The following CFAP54 variants were observed in gnomAD, a reference collection of about 807,000 sequenced individuals.
The protein encoded by CFAP54 is cilia and flagella associated protein 54, also known as cilia- and flagella-associated protein 54.
A neutral mutation model predicts 370.4 loss-of-function variants in CFAP54; 290 were observed. That is an observed-to-expected ratio of 0.78 (90% CI 0.71 to 0.86). The LOEUF is 0.86. Among genes scored for constraint, CFAP54 ranks in the 40% least tolerant of loss-of-function variants. CFAP54 has a pLI of 0.00. For missense variants in CFAP54, 3,399 were observed against 3,528.7 expected, an observed-to-expected ratio of 0.96 and a Z score of 0.93; for synonymous variants, 1,206 against 1,236.5, an observed-to-expected ratio of 0.98 and a Z score of 0.52.
chr12:96,548,536 G>C (rs1314562062), intron 15 of CFAP54, among the ~76,000 whole-genome samples: 1 of 152,156 alleles, frequency 6.6e-6, no homozygotes, highest in African/African-American at 2.4e-5. Context: ...ATGCCATCAT[G>C]AATGTACAGG....
intron 58 of CFAP54, among the ~76,000 whole-genome samples, chr12:96,757,962 G>A (rs1958283177): frequency 6.6e-6 from 1 of 152,170 alleles, no homozygotes; most frequent in Admixed American, 6.5e-5. Flanking sequence ...TGGTTAAACA[G>A]ATGGACAAGT....
intron 32 of CFAP54, among the ~76,000 whole-genome samples, chr12:96,636,831 G>C (rs1433079333): frequency 6.6e-6 from 1 of 152,138 alleles, no homozygotes; most frequent in Non-Finnish European, 1.5e-5. Flanking sequence ...GCACACGCCT[G>C]TAATCCCAGC....
chr12:96,724,129 T>C (rs1208785064), intron 50 of CFAP54, among the ~76,000 whole-genome samples: 1 of 151,228 alleles, frequency 6.6e-6, no homozygotes, highest in Non-Finnish European at 1.5e-5. Flanking sequence ...AGTGCCGCAA[T>C]AAACATACAT....
At chr12:96,729,706 C>G (rs1380109224) in intron 50 of CFAP54, among the ~76,000 whole-genome samples, 1 of 152,192 alleles carries the variant, frequency 6.6e-6, no homozygotes, top group Non-Finnish European at 1.5e-5. Flanking sequence ...GTCCTGCGCC[C>G]ACTGTCTGGC....
intron 63 of CFAP54, among the ~76,000 whole-genome samples, chr12:96,809,671 T>G (rs1351088100): frequency 1.3e-5 from 2 of 152,220 alleles, no homozygotes; most frequent in African/African-American, 4.8e-5. Context: ...GACTCTTGAC[T>G]GTCTACTTAT....
chr12:96,839,175 A>G (rs1251580688), intron 66 of CFAP54, among the ~76,000 whole-genome samples: 2 of 152,158 alleles, frequency 1.3e-5, no homozygotes, highest in Non-Finnish European at 2.9e-5. Flanking sequence ...TAGTCATATA[A>G]TCTTAGGCAA....
chr12:96,779,124 A>C (rs2136687775), intron 60 of CFAP54, among the ~76,000 whole-genome samples: 1 of 148,158 alleles, frequency 6.7e-6, no homozygotes, highest in East Asian at 2.0e-4. Flanking sequence ...AAAAAAAAAA[A>C]ACCCACAAAT....
At chr12:96,813,943 G>C (rs762911873) in intron 64 of CFAP54, among the ~76,000 whole-genome samples, 39 of 152,198 alleles carry the variant, frequency 2.6e-4, no homozygotes, top group Non-Finnish European at 4.9e-4. Context: ...CAAAGGGAGG[G>C]AGCAAGATGT....
chr12:96,740,913 T>A (rs972462542), intron 51 of CFAP54, among the ~76,000 whole-genome samples: 1 of 152,146 alleles, frequency 6.6e-6, no homozygotes, highest in Non-Finnish European at 1.5e-5. Context: ...CTTCCTTTAA[T>A]CTACAGGACA....
At chr12:96,683,238 G>A (rs1453755440) in intron 40 of CFAP54, among the ~76,000 whole-genome samples, 1 of 152,186 alleles carries the variant, frequency 6.6e-6, no homozygotes, top group Non-Finnish European at 1.5e-5. Context: ...ATTAGAAGCT[G>A]TAAAGAAATA....
chr12:96,541,286 C>CT (rs1955565836), intron 14 of CFAP54, among the ~76,000 whole-genome samples: 1 of 144,532 alleles, frequency 6.9e-6, no homozygotes, highest in African/African-American at 2.5e-5. Context: ...ACTTTCTCTC[C>CT]CTTTTTTTTT....
intron 64 of CFAP54, among the ~76,000 whole-genome samples, chr12:96,814,336 C>T (rs1279175404): frequency 6.6e-6 from 1 of 152,094 alleles, no homozygotes; most frequent in Non-Finnish European, 1.5e-5. Flanking sequence ...TTACAAAAGC[C>T]TTATGAATTG....
chr12:96,826,281 T>C (rs1320081974), intron 65 of CFAP54, among the ~76,000 whole-genome samples: 1 of 87,120 alleles, frequency 1.1e-5, no homozygotes, highest in Non-Finnish European at 2.4e-5. Flanking sequence ...ATTTAACAAA[T>C]ATATTCAAGA....
At chr12:96,629,504 AG>A (rs2136474219) in intron 30 of CFAP54, among the ~76,000 whole-genome samples, 1 of 151,044 alleles carries the variant, frequency 6.6e-6, no homozygotes, top group African/African-American at 2.4e-5. Context: ...TAGTAGAGAC[AG>A]GGTTTCACCC....
At chr12:96,503,280 C>G (rs1166551575) in intron 2 of CFAP54, among the ~76,000 whole-genome samples, 1 of 141,056 alleles carries the variant, frequency 7.1e-6, no homozygotes, top group Non-Finnish European at 1.5e-5. Flanking sequence ...CCCTTCCTTT[C>G]CTTTCCCCTT....
chr12:96,797,865 T>C (rs1958782264), intron 63 of CFAP54, among the ~76,000 whole-genome samples: 1 of 152,084 alleles, frequency 6.6e-6, no homozygotes, highest in African/African-American at 2.4e-5. Flanking sequence ...TATATTTGGT[T>C]TAAATCTACC....
chr12:96,830,745 C>T (rs1267964150), intron 66 of CFAP54, among the ~76,000 whole-genome samples: 1 of 152,096 alleles, frequency 6.6e-6, no homozygotes, highest in African/African-American at 2.4e-5. Flanking sequence ...GTGGTGTGAT[C>T]TTGGCTCACT....
intron 8 of CFAP54, among the ~76,000 whole-genome samples, chr12:96,526,042 A>T (rs1955376995): frequency 6.6e-6 from 1 of 152,184 alleles, no homozygotes; most frequent in Admixed American, 6.5e-5. Flanking sequence ...ACACAAGCTT[A>T]TGAGTAGGGA....
At chr12:96,735,208 G>T (rs893852625) in intron 50 of CFAP54, among the ~76,000 whole-genome samples, 2 of 152,106 alleles carry the variant, frequency 1.3e-5, no homozygotes, top group African/African-American at 2.4e-5. Flanking sequence ...AGAATTGAAA[G>T]CTAAGCATAA....
Sources: gnomAD v4.1 joint callset for allele counts (sites outside exome capture counted in the v4.1 genomes callset) on GRCh38, gnomAD v4.1.1 for gene constraint, MANE v1.5 for transcripts, NCBI Gene and HGNC (gene_info 2026-07-23, HGNC 2026-07-21) for gene names.